Variants in ARID4A observed in about 807,000 individuals in gnomAD.
The protein encoded by ARID4A is AT-rich interactive domain-containing protein 4A.
In ARID4A, 39 loss-of-function variants were observed where a neutral mutation model predicts 148.6. That is an observed-to-expected ratio of 0.26 (90% CI 0.20 to 0.34). The LOEUF is 0.34. Ranked by LOEUF, ARID4A falls within the 10% of genes least tolerant of loss-of-function variation. ARID4A has a pLI of 1.00. For synonymous variants in ARID4A, 475 were observed against 481.2 expected (o/e 0.99, Z 0.17); for missense variants, 1,265 against 1,449.1 (o/e 0.87, Z 2.06).
At chr14:58,325,680 T>C (rs559714218) in intron 8 of ARID4A, among the ~76,000 whole-genome samples, 1 of 152,284 alleles carries the variant, frequency 6.6e-6, no homozygotes, top group African/African-American at 2.4e-5. Flanking sequence ...ACTATAATCC[T>C]GTAAAGAGCT....
intron 11 of ARID4A, among the ~76,000 whole-genome samples, chr14:58,332,007 C>A (rs867404234): frequency 6.9e-5 from 10 of 144,972 alleles, no homozygotes; most frequent in Middle Eastern, 3.5e-3. Flanking sequence ...CCCCCCCCCC[C>A]CAAAAAACCC....
At position 58,344,711 on chromosome 14, in the gene ARID4A, A is replaced by G; in HGVS notation, c.923A>G (p.Asp308Gly). The G allele has an allele frequency of 1.2e-6, 2 of 1,612,572 alleles. No individual in the cohort carries two copies. The highest frequency in any genetic ancestry group is 1.7e-6 in the Non-Finnish European group (2 of 1,178,904). ...TCTTTACAGCCTGAGGAAGAACTTG[A>G]TCCTGAAGAGAGGGACAACTTCCTC... is the stretch of plus-strand genomic sequence containing the variant. The part of the protein sequence containing the change: ...TEEEVPEEEL[D>G]PEERDNFLQQ... The change falls in exon 12 of 24, where the codon GAT becomes GGT. Residue 308 changes from aspartate (D) to glycine (G), a missense_variant. By Grantham distance (94) the Asp-to-Gly change is moderately conservative. This residue lies in a region of ARID4A where 249 missense variants were observed against 277.2 expected (regional missense o/e 0.90). Transcript: ENST00000355431.
chr14:58,363,889 T>C (rs1416344251), intron 19 of ARID4A, among the ~76,000 whole-genome samples: 16 of 152,154 alleles, frequency 1.1e-4, no homozygotes, highest in Non-Finnish European at 1.6e-4. Flanking sequence ...AGGACTATTG[T>C]ACCTAAATAT....
At chr14:58,320,710 C>T (rs1318258626) in intron 7 of ARID4A, among the ~76,000 whole-genome samples, 1 of 151,420 alleles carries the variant, frequency 6.6e-6, no homozygotes, top group Non-Finnish European at 1.5e-5. Context: ...TGGGTTCTTG[C>T]CATTCTCCTG....
At chr14:58,335,009 C>CT (rs1305152080) in intron 11 of ARID4A, among the ~76,000 whole-genome samples, 1 of 152,144 alleles carries the variant, frequency 6.6e-6, no homozygotes, top group Non-Finnish European at 1.5e-5. Context: ...CCCCTTTACT[C>CT]TTAACTCACT....
At chr14:58,335,563 T>G (rs1270331921) in intron 11 of ARID4A, among the ~76,000 whole-genome samples, 2 of 152,098 alleles carry the variant, frequency 1.3e-5, no homozygotes, top group Non-Finnish European at 1.5e-5. Flanking sequence ...TCCGCGCATC[T>G]CAGCCTCCCA....
chr14:58,327,370 A>T (rs1454164358), intron 8 of ARID4A, among the ~76,000 whole-genome samples: 1 of 152,200 alleles, frequency 6.6e-6, no homozygotes, highest in Non-Finnish European at 1.5e-5. Context: ...TCTATAAAGG[A>T]TACAGAGAGT....
chr14:58,322,516 G>A (rs898108806), intron 7 of ARID4A, among the ~76,000 whole-genome samples: 56 of 152,000 alleles, frequency 3.7e-4, no homozygotes, highest in African/African-American at 1.4e-3. Context: ...AAACTGTGGA[G>A]TCTCACAGCT....
chr14:58,371,927 A>G lies in ARID4A; in HGVS notation c.3712A>G (p.Thr1238Ala), dbSNP rs1156658415. The change falls in exon 24 of 24, where the codon ACT (threonine) becomes GCT (alanine). Residue 1238 changes from threonine (T) to alanine (A), a missense_variant. By Grantham distance (58) the Thr-to-Ala change is moderately conservative. Transcript: ENST00000355431. ...CTCCATGTCATCTGCTTCATCAGAC[A>G]CTGGAATGAGTCCCTCATCATCATC... is the stretch of plus-strand genomic sequence containing the variant. The part of the protein sequence containing the change: ...GASMSSASSD[T>A]GMSPSSSSPP... 1.2e-6 allele frequency: 2 copies of G among 1,613,434 alleles called. No homozygotes were observed. The highest frequency in any genetic ancestry group is 1.7e-4 in the Middle Eastern group (1 of 6,060).
chr14:58,340,890 A>G (rs561687843), intron 11 of ARID4A, among the ~76,000 whole-genome samples: 7 of 152,222 alleles, frequency 4.6e-5, no homozygotes, highest in South Asian at 2.1e-4. Flanking sequence ...AATGAATGTG[A>G]AGCAAGAAAA....
At chr14:58,332,785 C>T (rs748638332) in intron 11 of ARID4A, among the ~76,000 whole-genome samples, 1 of 152,016 alleles carries the variant, frequency 6.6e-6, no homozygotes, top group Non-Finnish European at 1.5e-5. Context: ...CTATGCTTTT[C>T]GTGAAGATTC....
In ARID4A at chr14:58,361,130, TA is replaced by T. The variant is rs1040419860; in HGVS notation, c.2080+96del. ...GCTCAATTTTGAGGATGGCTGACTT[TA>T]AAAAAAATCAATAACATAAATAATA... On this transcript the variant is annotated intron_variant, in intron 19 of 23. Coordinates refer to ENST00000355431, the MANE Select transcript of ARID4A (RefSeq NM_002892.4). 21 of 1,473,242 alleles carry T rather than the reference TA, an allele frequency of 1.4e-5. No homozygotes were observed. In the African/African-American group the frequency reaches 2.3e-4, roughly 16 times the overall value. 91.3% of individuals were successfully genotyped at this position (1,473,242 alleles called of 1,614,324 possible). A position where few individuals can be genotyped will look rare whatever the true frequency, so the allele number is the denominator to read the frequency against.
chr14:58,302,392 G>T (rs112765405), intron 3 of ARID4A, among the ~76,000 whole-genome samples: 1 of 152,126 alleles, frequency 6.6e-6, no homozygotes, highest in Admixed American at 6.5e-5. Context: ...TGCTCAGGAG[G>T]CTGAGGCAGG....
chr14:58,302,226 A>G (rs1454660429), intron 3 of ARID4A, among the ~76,000 whole-genome samples: 4 of 150,308 alleles, frequency 2.7e-5, no homozygotes, highest in African/African-American at 9.8e-5. Flanking sequence ...CGGCGCGGTG[A>G]CTCACGCCTG....
chr14:58,364,346 C>A lies in ARID4A; in HGVS notation c.2257C>A (p.Gln753Lys). Residue 753 changes from glutamine to lysine, a missense_variant, in exon 20 of 24, where the codon CAG (glutamine) becomes AAG (lysine). Around this residue, in one of 9 missense-constraint regions of ARID4A, gnomAD observed 666 missense variants for 730.9 expected, o/e 0.91. Coordinates refer to ENST00000355431, the MANE Select transcript of ARID4A (RefSeq NM_002892.4). ...AAAAGAAAATGATAGGACTCAAATG[C>A]AGCCTTTAGAAACCCTGAAGTTAGA... Reference protein sequence around the residue: ...ILKENDRTQMQPLETLKLEVG... With the variant: ...ILKENDRTQMKPLETLKLEVG... 2 of 1,586,256 alleles carry A rather than the reference C, an allele frequency of 1.3e-6. No individual in the cohort carries two copies. The highest frequency in any genetic ancestry group is 1.7e-6 in the Non-Finnish European group (2 of 1,172,536).
At chr14:58,347,964 T>C in intron 15 of ARID4A, 86 bp downstream of exon 15, 1 of 883,366 alleles carries the variant, frequency 1.1e-6, no homozygotes. Flanking sequence ...ACAAAAGTAC[T>C]ACAGTGAACC....
intron 2 of ARID4A, 110 bp from the exon 3 acceptor site, chr14:58,301,470 C>T (rs927298501): frequency 4.8e-6 from 3 of 626,038 alleles, no homozygotes; most frequent in African/African-American, 3.7e-5. Context: ...TATTAATAAG[C>T]AAGTCATTTT....
intron 7 of ARID4A, among the ~76,000 whole-genome samples, chr14:58,321,562 C>T (rs1476329679): frequency 6.6e-6 from 1 of 152,038 alleles, no homozygotes; most frequent in Non-Finnish European, 1.5e-5. Context: ...TGGAATTGGC[C>T]ATTTCTACAA....
intron 9 of ARID4A, among the ~76,000 whole-genome samples, chr14:58,328,683 C>CT (rs2033350443): frequency 6.6e-6 from 1 of 151,924 alleles, no homozygotes. Context: ...ATTATTTTGA[C>CT]TTTTTTCATG....
Sources: allele counts gnomAD v4.1 joint callset (sites outside exome capture counted in the v4.1 genomes callset), GRCh38; gene constraint gnomAD v4.1.1; regional missense constraint gnomAD v4.1.1; transcripts MANE v1.5; gene names NCBI Gene and HGNC (gene_info 2026-07-23, HGNC 2026-07-21).